The following GLIS3 variants were observed in gnomAD, a reference collection of about 807,000 sequenced individuals.
The protein encoded by GLIS3 is zinc finger protein GLIS3.
A neutral mutation model predicts 78.6 loss-of-function variants in GLIS3; 53 were observed. The observed-to-expected ratio is 0.67, with a 90% CI of 0.54 to 0.85. The LOEUF is 0.85. Ranked by LOEUF, GLIS3 falls within the 40% of genes least tolerant of loss-of-function variation. The probability of loss-of-function intolerance (pLI) is 0.00; values close to 1 mark genes in which losing one functional copy is unlikely to be tolerated. For missense variants in GLIS3, 1,703 were observed against 1,231.1 expected, an observed-to-expected ratio of 1.38 and a Z score of -5.74; for synonymous variants, 684 against 509.9, an observed-to-expected ratio of 1.34 and a Z score of -4.60.
At chr9:4,092,772 A>G (rs1004448495) in intron 4 of GLIS3, among the ~76,000 whole-genome samples, 2 of 152,226 alleles carry the variant, frequency 1.3e-5, no homozygotes, top group African/African-American at 2.4e-5. Context: ...ACTTTCTTTT[A>G]TAAACAGAAG....
intron 2 of GLIS3, among the ~76,000 whole-genome samples, chr9:4,181,163 G>T (rs138519900): frequency 1.6e-4 from 25 of 152,208 alleles, no homozygotes; most frequent in Non-Finnish European, 2.9e-4. Flanking sequence ...TTCAGGCATA[G>T]CTCCTCTCTG....
intron 9 of GLIS3, among the ~76,000 whole-genome samples, chr9:3,847,140 C>T (rs1184862424): frequency 4.6e-5 from 7 of 152,022 alleles, no homozygotes; most frequent in South Asian, 2.1e-4. Flanking sequence ...GCCGAGATCG[C>T]GCCTCTGTAC....
intron 4 of GLIS3, among the ~76,000 whole-genome samples, chr9:4,047,788 C>A (rs142864778): frequency 8.5e-5 from 13 of 152,216 alleles, no homozygotes; most frequent in Non-Finnish European, 1.8e-4. Context: ...AAGACATGAA[C>A]CTGGGTGTTA....
the GLIS3 span, among the ~76,000 whole-genome samples, chr9:4,417,765 G>A: frequency 0.046 from 7,056 of 152,208 alleles, 231 homozygotes; most frequent in Non-Finnish European, 0.07. Context: ...CACCAACCAG[G>A]TATCATTGAA....
the GLIS3 span, among the ~76,000 whole-genome samples, chr9:4,411,798 T>C: frequency 1.3e-5 from 2 of 152,244 alleles, no homozygotes; most frequent in Non-Finnish European, 2.9e-5. Flanking sequence ...TTTTGCATTT[T>C]TCTCTGCAAT....
Position 3,856,090 on chromosome 9 carries a change from G to C in GLIS3, c.2392C>G (p.Gln798Glu), listed in dbSNP as rs776849293. The change falls in exon 9 of 11, where the codon CAG becomes GAG. Residue 798 changes from glutamine to glutamate, a missense_variant. Gln to Glu is a conservative substitution (Grantham distance 29, BLOSUM62 2). Coordinates refer to ENST00000381971, the MANE Select transcript of GLIS3 (RefSeq NM_001042413.2). ...ILQRTQPPYT[Q>E]QPSGSHLKSY... is the part of the protein sequence containing the mutation. ...TTCAGGTGTGAACCTGATGGCTGCTGGGTATAGGGAGGCTGTGTTCTTTGC... is the reference window on the plus strand; with the variant it reads ...TTCAGGTGTGAACCTGATGGCTGCTCGGTATAGGGAGGCTGTGTTCTTTGC... 5 of 1,614,202 alleles carry C rather than the reference G, an allele frequency of 3.1e-6. No homozygotes were observed. The highest frequency in any genetic ancestry group is 4.2e-6 in the Non-Finnish European group (5 of 1,180,020).
the GLIS3 span, among the ~76,000 whole-genome samples, chr9:4,408,458 C>A: frequency 0.012 from 1,857 of 151,326 alleles, 46 homozygotes; most frequent in African/African-American, 0.043. Flanking sequence ...GGCCGGGCAC[C>A]TTGGCTCAGC....
the GLIS3 span, among the ~76,000 whole-genome samples, chr9:4,422,379 A>T: frequency 6.6e-6 from 1 of 152,372 alleles, no homozygotes; most frequent in Non-Finnish European, 1.5e-5. Context: ...TTACAAATAC[A>T]TACTTACAGA....
chr9:4,006,263 T>A (rs1821537203), intron 4 of GLIS3, among the ~76,000 whole-genome samples: 1 of 143,466 alleles, frequency 7.0e-6, no homozygotes. Flanking sequence ...TTTTACAGAT[T>A]ATTCTGAGCA....
intron 9 of GLIS3, among the ~76,000 whole-genome samples, chr9:3,837,300 G>A (rs1470465654): frequency 6.6e-6 from 1 of 152,170 alleles, no homozygotes; most frequent in Non-Finnish European, 1.5e-5. Context: ...GCAAGGATGT[G>A]GAGCAATGGG....
rs116937683 is a variant in GLIS3 at position 4,335,853 on chromosome 9, C to T, written n.264+11228G>A. Reference sequence around the variant, plus strand: ...TAACAGGATAAGGTGATTCTTCCCTCATTCCAGCCTTGGTGTTTGTATCCA... The same window carrying T: ...TAACAGGATAAGGTGATTCTTCCCTTATTCCAGCCTTGGTGTTTGTATCCA... On this transcript the variant is annotated intron_variant and non_coding_transcript_variant, in intron 2 of 4. Coordinates refer to the GLIS3 transcript ENST00000471664. 1.4e-3 allele frequency among the ~76,000 whole-genome samples: 218 copies of T among 152,332 alleles called. 3 individuals carry two copies. The highest frequency in any genetic ancestry group is 0.014 in the East Asian group (73 of 5,190).
the GLIS3 span, among the ~76,000 whole-genome samples, chr9:4,477,384 G>A: frequency 7.2e-6 from 1 of 139,482 alleles, no homozygotes. Flanking sequence ...GGGGTGGGAG[G>A]TGGGGAATAG....
chr9:4,382,926 G>C, the GLIS3 span, among the ~76,000 whole-genome samples: 10 of 152,206 alleles, frequency 6.6e-5, no homozygotes, highest in Non-Finnish European at 1.5e-4. Context: ...GCCCAGGGAA[G>C]GGCATCTCAC....
chr9:4,092,298 C>T (rs1245096694), intron 4 of GLIS3, among the ~76,000 whole-genome samples: 8 of 151,706 alleles, frequency 5.3e-5, no homozygotes, highest in Non-Finnish European at 1.2e-4. Flanking sequence ...ACTACAGGCG[C>T]CCACCACCAT....
At chr9:4,304,971 G>GC (rs1817192085), upstream of GLIS3, among the ~76,000 whole-genome samples, 1 of 152,170 alleles carries the variant, frequency 6.6e-6, no homozygotes, top group African/African-American at 2.4e-5. Flanking sequence ...AAGCAGACCT[G>GC]CCCCGGGTAA....
intron 4 of GLIS3, among the ~76,000 whole-genome samples, chr9:4,105,015 AT>A (rs1830645580): frequency 6.6e-6 from 1 of 152,234 alleles, no homozygotes; most frequent in South Asian, 2.1e-4. Flanking sequence ...CTATAATTAG[AT>A]GAACAATTCA....
At chr9:3,993,720 A>G (rs752589753) in intron 4 of GLIS3, among the ~76,000 whole-genome samples, 1 of 152,224 alleles carries the variant, frequency 6.6e-6, no homozygotes, top group Non-Finnish European at 1.5e-5. Context: ...ATTATTAAAT[A>G]ATGTTGATGA....
intron 2 of GLIS3, among the ~76,000 whole-genome samples, chr9:4,252,658 A>G (rs1824508805): frequency 6.6e-6 from 1 of 152,042 alleles, no homozygotes; most frequent in Non-Finnish European, 1.5e-5. Context: ...CTTGCTGGTG[A>G]GGAGTTGTGA....
chr9:3,961,557 C>G (rs1216601051), intron 4 of GLIS3, among the ~76,000 whole-genome samples: 12 of 152,114 alleles, frequency 7.9e-5, no homozygotes, highest in African/African-American at 2.9e-4. Flanking sequence ...ATTCCAAAAT[C>G]AAGGTTGCCA....
Sources: allele counts gnomAD v4.1 joint callset (sites outside exome capture counted in the v4.1 genomes callset), GRCh38; gene constraint gnomAD v4.1.1; transcripts MANE v1.5; gene names NCBI Gene and HGNC (gene_info 2026-07-23, HGNC 2026-07-21).